Variants in COP1 observed in about 807,000 individuals in gnomAD.
COP1 encodes the protein E3 ubiquitin-protein ligase COP1.
COP1 carries 24 observed loss-of-function variants against 101.3 expected under a neutral mutation model. The ratio of observed to expected loss-of-function variants is 0.24; its 90% confidence interval spans 0.17 to 0.33. The LOEUF (loss-of-function observed/expected upper bound fraction) is 0.33, where lower values mean the gene tolerates loss of function less well. Among genes scored for constraint, COP1 ranks in the 10% least tolerant of loss-of-function variants. COP1 has a pLI of 1.00. For missense variants in COP1, 663 were observed against 906.2 expected (o/e 0.73, Z 3.45); for synonymous variants, 347 against 341.9 (o/e 1.01, Z -0.17).
intron 4 of COP1, 56 bp downstream of exon 4, chr1:176,163,759 C>T: frequency 9.0e-7 from 1 of 1,111,168 alleles, no homozygotes; most frequent in Non-Finnish European, 1.3e-6. Context: ...AATATTAAAC[C>T]AATAAAAACA....
chr1:175,974,029 G>A (rs1017738795), intron 18 of COP1, among the ~76,000 whole-genome samples: 2 of 152,258 alleles, frequency 1.3e-5, no homozygotes, highest in African/African-American at 4.8e-5. Flanking sequence ...GATAAAGAAG[G>A]TTGTTAGATG....
intron 1 of COP1, among the ~76,000 whole-genome samples, chr1:176,184,978 T>C (rs1057141488): frequency 3.9e-5 from 6 of 152,104 alleles, no homozygotes; most frequent in African/African-American, 1.2e-4. Context: ...ACATAATTTT[T>C]AGTAGTACAA....
intron 15 of COP1, among the ~76,000 whole-genome samples, chr1:175,992,949 T>A (rs1217680384): frequency 6.6e-6 from 1 of 152,102 alleles, no homozygotes; most frequent in Non-Finnish European, 1.5e-5. Context: ...CTCAAGTGGG[T>A]CCCTGACCCC....
At chr1:176,186,342 CA>C (rs1201102520) in intron 1 of COP1, among the ~76,000 whole-genome samples, 6 of 140,978 alleles carry the variant, frequency 4.3e-5, no homozygotes, top group East Asian at 2.0e-4. Context: ...CTCATCTCTA[CA>C]AAAAAAAAAT....
chr1:176,090,759 G>C (rs1209427603), intron 9 of COP1, among the ~76,000 whole-genome samples: 1 of 152,050 alleles, frequency 6.6e-6, no homozygotes, highest in East Asian at 1.9e-4. Context: ...AATATAAAAG[G>C]CATAAAAGAA....
intron 18 of COP1, among the ~76,000 whole-genome samples, chr1:175,954,931 T>A (rs187840292): frequency 2.1e-4 from 32 of 151,968 alleles, no homozygotes; most frequent in African/African-American, 2.9e-4. Flanking sequence ...CATTAAAAAA[T>A]ATATATATAT....
At chr1:176,186,354 T>TAA (rs528697596) in intron 1 of COP1, among the ~76,000 whole-genome samples, 4 of 141,060 alleles carry the variant, frequency 2.8e-5, no homozygotes, top group East Asian at 2.0e-4. Flanking sequence ...AAAAAAAAAT[T>TAA]AAAAAAAAAA....
intron 11 of COP1, among the ~76,000 whole-genome samples, chr1:176,076,806 GAAATACA>G (rs1572089372): frequency 6.6e-6 from 1 of 152,016 alleles, no homozygotes; most frequent in Non-Finnish European, 1.5e-5. Context: ...CAATACCACA[GAAATACA>G]AAAGATTCTC....
chr1:176,014,873 C>A (rs1665348697), intron 15 of COP1, among the ~76,000 whole-genome samples: 1 of 152,014 alleles, frequency 6.6e-6, no homozygotes, highest in South Asian at 2.1e-4. Context: ...TTGTAAGGGA[C>A]ATTGTGGGGG....
chr1:175,951,036 G>A (rs904453962), intron 18 of COP1, among the ~76,000 whole-genome samples: 36 of 151,988 alleles, frequency 2.4e-4, no homozygotes, highest in African/African-American at 8.2e-4. Context: ...ACCTGAGGTC[G>A]GGAGTTTGAG....
chr1:176,187,957 T>C (rs1393582363), intron 1 of COP1, among the ~76,000 whole-genome samples: 1 of 152,094 alleles, frequency 6.6e-6, no homozygotes, highest in African/African-American at 2.4e-5. Flanking sequence ...AGAACTCTCA[T>C]GAAAGGGATT....
chr1:176,145,782 A>G (rs886459883), intron 6 of COP1, among the ~76,000 whole-genome samples: 1 of 152,174 alleles, frequency 6.6e-6, no homozygotes, highest in African/African-American at 2.4e-5. Context: ...AAAAACAGAG[A>G]GACCTATGGA....
chr1:175,979,134 A>T (rs1235809060), intron 18 of COP1, among the ~76,000 whole-genome samples: 1 of 152,102 alleles, frequency 6.6e-6, no homozygotes, highest in East Asian at 1.9e-4. Flanking sequence ...TTGTTCATAT[A>T]ATTTCCCAAG....
Position 175,999,959 on chromosome 1 carries a change from A to AT in COP1, c.1730-10481dup, listed in dbSNP as rs374068029. On this transcript the variant is annotated intron_variant, in intron 15 of 19. Coordinates refer to ENST00000367669, the MANE Select transcript of COP1 (RefSeq NM_022457.7). ...TACCCATTTTAAAATGGATTATTAG[A>AT]TTTTTTTCCCTACAAAATTGTCTGA... Among the ~76,000 whole-genome samples the AT allele has an allele frequency of 2.7e-3, 403 of 151,952 alleles. 3 individuals are homozygous for AT. Among genetic ancestry groups the AT allele is most frequent in the African/African-American group, 9.2e-3 (382 of 41,446 alleles).
intron 5 of COP1, among the ~76,000 whole-genome samples, chr1:176,152,593 T>G (rs1558215300): frequency 6.6e-6 from 1 of 151,996 alleles, no homozygotes; most frequent in Non-Finnish European, 1.5e-5. Context: ...GATTACACAT[T>G]CGCACCACCA....
At chr1:176,137,818 A>C (rs1690046476) in intron 6 of COP1, among the ~76,000 whole-genome samples, 1 of 152,160 alleles carries the variant, frequency 6.6e-6, no homozygotes, top group Non-Finnish European at 1.5e-5. Flanking sequence ...AAAGTTGGTA[A>C]TATAATTAAT....
intron 18 of COP1, among the ~76,000 whole-genome samples, chr1:175,947,496 G>A (rs756605163): frequency 7.3e-5 from 11 of 151,128 alleles, no homozygotes; most frequent in Non-Finnish European, 1.6e-4. Context: ...TCAGCCTCCC[G>A]AGTAGCTGGG....
At chr1:175,996,173 A>C (rs1411358621) in intron 15 of COP1, among the ~76,000 whole-genome samples, 4 of 152,232 alleles carry the variant, frequency 2.6e-5, no homozygotes, top group African/African-American at 9.6e-5. Context: ...TAGATGCAGA[A>C]AAGGCCTTTG....
rs766283023 is a variant in COP1, at chr1:175,988,370, T to C, written c.1890A>G (p.Pro630=). The change falls in exon 17 of 20, where the codon CCA becomes CCG. Residue 630 remains proline, a synonymous_variant. Transcript: ENST00000367669. ...SQLKLWNVGK[P]YCLRSFKGHI... ...GACCCTTGAAGGAACGTAGGCAGTA[T>C]GGTTTCCCTACATTCCACAGTTTTA... The C allele has an allele frequency of 1.4e-5, 23 of 1,610,794 alleles. No individual in the cohort carries two copies. The highest frequency in any genetic ancestry group is 1.8e-5 in the Non-Finnish European group (21 of 1,177,604).
Sources: gnomAD v4.1 joint callset for allele counts (sites outside exome capture counted in the v4.1 genomes callset) on GRCh38, gnomAD v4.1.1 for gene constraint, MANE v1.5 for transcripts, NCBI Gene and HGNC (gene_info 2026-07-23, HGNC 2026-07-21) for gene names.